Variants in GALNT3 observed in about 807,000 individuals in gnomAD.
The protein encoded by GALNT3 is polypeptide N-acetylgalactosaminyltransferase 3, also known as GalNAc transferase 3.
In GALNT3, 51 loss-of-function variants were observed where a neutral mutation model predicts 69.8. The observed-to-expected ratio is 0.73, with a 90% confidence interval of 0.58 to 0.92. The LOEUF is 0.92. Among genes scored for constraint, GALNT3 ranks in the 40% least tolerant of loss-of-function variants. GALNT3 has a pLI of 0.00. For missense variants in GALNT3, 711 were observed against 760.0 expected, an observed-to-expected ratio of 0.94 and a Z score of 0.76; for synonymous variants, 265 against 248.5, an observed-to-expected ratio of 1.07 and a Z score of -0.63.
At chr2:165,791,615 T>A (rs759603149) in intron 1 of GALNT3, among the ~76,000 whole-genome samples, 3 of 152,156 alleles carry the variant, frequency 2.0e-5, no homozygotes, top group Non-Finnish European at 2.9e-5. Flanking sequence ...TAAGGAAGTG[T>A]GCTTGAAATA....
chr2:165,793,745 C>T (rs1683402353), intron 1 of GALNT3: 1 of 152,456 alleles, frequency 6.6e-6, no homozygotes, highest in Non-Finnish European at 1.5e-5. Flanking sequence ...CGTCCAGCTC[C>T]TCAGGGGCCG....
At chr2:165,758,610 C>T in intron 6 of GALNT3, 137 bp downstream of exon 6, 1 of 622,220 alleles carries the variant, frequency 1.6e-6, no homozygotes, top group Non-Finnish European at 2.9e-6. Context: ...ATTCTTATTC[C>T]AAAATTTCCA....
chr2:165,781,604 GAA>G (rs553855165), intron 1 of GALNT3, among the ~76,000 whole-genome samples: 1 of 121,400 alleles, frequency 8.2e-6, no homozygotes. Context: ...TCTCAAAAAA[GAA>G]AAAAAAAAAA....
chr2:165,766,343 C>A (rs900309260), intron 2 of GALNT3, among the ~76,000 whole-genome samples: 2 of 152,190 alleles, frequency 1.3e-5, no homozygotes, highest in African/African-American at 4.8e-5. Context: ...ATTAGTGGTA[C>A]TACTATCCAT....
intron 1 of GALNT3, among the ~76,000 whole-genome samples, chr2:165,772,972 A>C (rs1383896722): frequency 6.6e-6 from 1 of 152,234 alleles, no homozygotes; most frequent in Non-Finnish European, 1.5e-5. Context: ...TTTTAGAAAA[A>C]TCACAAGTTT....
chr2:165,752,640 G>A (rs532835381), intron 9 of GALNT3, among the ~76,000 whole-genome samples: 3 of 151,946 alleles, frequency 2.0e-5, no homozygotes, highest in African/African-American at 4.8e-5. Flanking sequence ...ACAGAAAAAT[G>A]GAAAAAAGCA....
chr2:165,748,625 T>C lies in GALNT3; in HGVS notation c.*156A>G. The C allele has an allele frequency of 3.0e-6, 2 of 659,946 alleles. No homozygotes were observed. Among genetic ancestry groups the C allele is most frequent in the Non-Finnish European group, 5.1e-6 (2 of 389,016 alleles). The allele number at this position is 659,946 out of a possible 1,614,324, so 40.9% of individuals were successfully genotyped here. A position where few individuals can be genotyped will look rare whatever the true frequency, so the allele number is the denominator to read the frequency against. Reference sequence around the variant, plus strand: ...TTGAAACAGAAACTTGCAGAATTTCTGTAGTAGTGCTACATAAAGATATAA... The same window carrying C: ...TTGAAACAGAAACTTGCAGAATTTCCGTAGTAGTGCTACATAAAGATATAA... On this transcript the variant is annotated 3_prime_UTR_variant, in exon 11 of 11. Coordinates refer to ENST00000392701, the MANE Select transcript of GALNT3 (RefSeq NM_004482.4).
intron 1 of GALNT3, among the ~76,000 whole-genome samples, chr2:165,788,466 GGTGTGTGTGTGTGTGTGT>G (rs148293638): frequency 7.2e-6 from 1 of 139,530 alleles, no homozygotes; most frequent in Non-Finnish European, 1.5e-5. Flanking sequence ...AATCCAAAAG[GGTGTGTGTGTGTGTGTGT>G]GTGTGTGTGT....
chr2:165,779,691 A>C (rs1683061787), intron 1 of GALNT3, among the ~76,000 whole-genome samples: 1 of 152,244 alleles, frequency 6.6e-6, no homozygotes. Flanking sequence ...CATATACAAA[A>C]AAAACCTAGA....
chr2:165,784,685 T>C (rs539432163), intron 1 of GALNT3, among the ~76,000 whole-genome samples: 39 of 152,192 alleles, frequency 2.6e-4, no homozygotes, highest in African/African-American at 9.4e-4. Flanking sequence ...AGAAAGGTGC[T>C]AGCAGATGGA....
chr2:165,754,700 A>G lies in GALNT3; in HGVS notation c.1553T>C (p.Leu518Pro). 6.2e-7 allele frequency: 1 copy of G among 1,613,570 alleles called. No individual in the cohort carries two copies. Among genetic ancestry groups the G allele is most frequent in the South Asian group, 1.1e-5 (1 of 91,042 alleles). Reference sequence around the variant, plus strand: ...TCCTTGATTGTTTTCTCCAACATCCAGACATAGAGGCTGACCAACGCTTTT... The same window carrying G: ...TCCTTGATTGTTTTCTCCAACATCCGGACATAGAGGCTGACCAACGCTTTT... ...YIKSVGQPLCLDVGENNQGGK... is the reference protein window; with the variant it reads ...YIKSVGQPLCPDVGENNQGGK... The change falls in exon 9 of 11, where the codon CTG becomes CCG. Residue 518 changes from leucine to proline, a missense_variant. Leu to Pro is a moderately conservative substitution (Grantham distance 98). Coordinates refer to ENST00000392701, the MANE Select transcript of GALNT3 (RefSeq NM_004482.4).
chr2:165,793,875 A>G (rs1683405876), intron 1 of GALNT3, 140 bp downstream of exon 1: 1 of 152,430 alleles, frequency 6.6e-6, no homozygotes, highest in Admixed American at 6.5e-5. Flanking sequence ...GGCAACCGAC[A>G]CACTGCTCTC....
chr2:165,767,895 G>A (rs1159138925), intron 2 of GALNT3, among the ~76,000 whole-genome samples: 78 of 99,744 alleles, frequency 7.8e-4, no homozygotes, highest in Non-Finnish European at 1.3e-3. Context: ...TTTTTTTTGA[G>A]ACAGAGTCTT....
chr2:165,775,697 A>G (rs1172244490), intron 1 of GALNT3, among the ~76,000 whole-genome samples: 1 of 152,190 alleles, frequency 6.6e-6, no homozygotes, highest in African/African-American at 2.4e-5. Flanking sequence ...CTTAGGCTTC[A>G]CCTCTGATTT....
chr2:165,761,417 G>A (rs1558997486), intron 4 of GALNT3, among the ~76,000 whole-genome samples: 2 of 151,996 alleles, frequency 1.3e-5, no homozygotes. Context: ...TCACCTTGTT[G>A]GCCAGGCTGA....
chr2:165,772,504 G>C (rs942055109), intron 1 of GALNT3, among the ~76,000 whole-genome samples: 11 of 142,742 alleles, frequency 7.7e-5, no homozygotes, highest in Non-Finnish European at 1.4e-4. Context: ...AGGATGGCTT[G>C]AGCTCAAGAG....
rs71031204 is a variant in GALNT3, at chr2:165,774,909, C to CTTTTT, written c.-108-4106_-108-4102dup. ...TTGTGAAGTATTCTTCTTCTTCTCT[C>CTTTTT]TTTTTTTTTTTTTTTTTTTTTTGTA... On this transcript the variant is annotated intron_variant, in intron 1 of 10. Transcript: ENST00000392701. 4.5e-3 allele frequency among the ~76,000 whole-genome samples: 475 copies of CTTTTT among 104,396 alleles called. 4 individuals are homozygous for CTTTTT. The highest frequency in any genetic ancestry group is 6.8e-3 in the African/African-American group (180 of 26,624). 68.5% of individuals were successfully genotyped at this position (104,396 alleles called of 152,430 possible). A position where few individuals can be genotyped will look rare whatever the true frequency, so the allele number is the denominator to read the frequency against.
intron 9 of GALNT3, among the ~76,000 whole-genome samples, chr2:165,753,910 T>G (rs1372808835): frequency 6.6e-6 from 1 of 152,152 alleles, no homozygotes; most frequent in African/African-American, 2.4e-5. Context: ...TTATTAACAC[T>G]TGATGTAATT....
intron 9 of GALNT3, among the ~76,000 whole-genome samples, chr2:165,752,706 G>A (rs1368892425): frequency 6.6e-6 from 1 of 152,132 alleles, no homozygotes; most frequent in Non-Finnish European, 1.5e-5. Flanking sequence ...GCTAGAAGAA[G>A]CCTAAGAGAA....
Sources: gnomAD v4.1 joint callset for allele counts (sites outside exome capture counted in the v4.1 genomes callset) on GRCh38, gnomAD v4.1.1 for gene constraint, MANE v1.5 for transcripts, NCBI Gene and HGNC (gene_info 2026-07-23, HGNC 2026-07-21) for gene names.